Variants in NRDE2 observed in about 807,000 individuals in gnomAD.
The protein encoded by NRDE2 is NRDE-2, necessary for RNA interference, domain containing.
NRDE2 carries 76 observed loss-of-function variants against 124.2 expected under a neutral mutation model. The observed-to-expected ratio is 0.61, with a 90% CI of 0.51 to 0.74. The LOEUF is 0.74. Among genes scored for constraint, NRDE2 ranks in the 30% least tolerant of loss-of-function variants. The pLI is 0.00. For synonymous variants in NRDE2, 489 were observed against 528.1 expected (o/e 0.93, Z 1.01); for missense variants, 1,314 against 1,417.3 (o/e 0.93, Z 1.17).
chr14:90,303,953 C>T lies in NRDE2; in HGVS notation c.987G>A (p.Met329Ile), dbSNP rs745306047. The change falls in exon 5 of 14, where the codon ATG becomes ATA. Residue 329 changes from methionine (M) to isoleucine (I), a missense_variant. Met to Ile is a conservative substitution (Grantham distance 10, BLOSUM62 1). Transcript: ENST00000354366. ...RENPRDTQLW[M>I]AFVAFQDEVM... ...CACATACCTGAAAAGCAACAAATGCCATCCACAGCTGCGTATCCCGAGGAT... is the reference window on the plus strand; with the variant it reads ...CACATACCTGAAAAGCAACAAATGCTATCCACAGCTGCGTATCCCGAGGAT... 6.2e-7 allele frequency: 1 copy of T among 1,607,228 alleles called. No homozygotes were observed. The highest frequency in any genetic ancestry group is 2.2e-5 in the East Asian group (1 of 44,748).
chr14:90,320,257 G>T lies in NRDE2; in HGVS notation c.65-2144C>A, dbSNP rs375748873. On this transcript the variant is annotated intron_variant, in intron 1 of 13. Coordinates refer to ENST00000354366, the MANE Select transcript of NRDE2 (RefSeq NM_017970.4). ...AATTGACTCGTAGTTCCACATAGCT[G>T]GGGAGGCCTCAGGAAACTTACAATC... 3.3e-5 allele frequency among the ~76,000 whole-genome samples: 5 copies of T among 152,320 alleles called. No homozygotes were observed. The East Asian group carries it at 7.7e-4, about 23-fold the overall frequency.
chr14:90,283,469 C>A (rs1892010487), intron 12 of NRDE2, among the ~76,000 whole-genome samples: 1 of 152,110 alleles, frequency 6.6e-6, no homozygotes, highest in African/African-American at 2.4e-5. Flanking sequence ...TGGGTGGAAT[C>A]TTTATGCTGG....
intron 12 of NRDE2, among the ~76,000 whole-genome samples, chr14:90,284,031 C>A (rs1244781138): frequency 6.6e-6 from 1 of 152,044 alleles, no homozygotes; most frequent in Non-Finnish European, 1.5e-5. Context: ...ATTTTTGATG[C>A]CAACTTCTGC....
At chr14:90,284,427 C>G (rs970177800) in intron 12 of NRDE2, among the ~76,000 whole-genome samples, 5 of 151,146 alleles carry the variant, frequency 3.3e-5, no homozygotes, top group Non-Finnish European at 7.4e-5. Context: ...CAGCTCACTG[C>G]AAACTCCGCC....
At position 90,276,573 on chromosome 14, in the gene NRDE2, A is replaced by C. The variant is rs142080288; in HGVS notation, c.*1763T>G. 1.2e-4 allele frequency: 19 copies of C among 152,102 alleles called. 1 individual carries two copies. Among genetic ancestry groups the C allele is most frequent in the African/African-American group, 3.6e-4 (15 of 41,498 alleles). The allele number at this position is 152,102 out of a possible 1,614,324, so 9.4% of individuals were successfully genotyped here. A position where few individuals can be genotyped will look rare whatever the true frequency, so the allele number is the denominator to read the frequency against. ...TGCTCTTGACATCTTGTTTTCTGTA[A>C]AATGCCCTCAAGGAATCTTTGATTT... On this transcript the variant is annotated 3_prime_UTR_variant, in exon 14 of 14. Transcript: ENST00000354366.
intron 7 of NRDE2, among the ~76,000 whole-genome samples, chr14:90,300,820 A>C (rs1456788239): frequency 2.7e-4 from 1 of 3,720 alleles, no homozygotes; most frequent in Non-Finnish European, 4.7e-4. Context: ...TTCCCTGACT[A>C]GGGGAGCCAA....
rs1199355543 is a variant in NRDE2 at position 90,304,039 on chromosome 14, C to T, written c.901G>A (p.Asp301Asn). The T allele has an allele frequency of 6.2e-7, 1 of 1,613,988 alleles. No homozygotes were observed. Among genetic ancestry groups the T allele is most frequent in the Non-Finnish European group, 8.5e-7 (1 of 1,179,966 alleles). The change falls in exon 5 of 14, where the codon GAC (aspartate) becomes AAC (asparagine). Residue 301 changes from aspartate (D) to asparagine (N), a missense_variant. Transcript: ENST00000354366. ...QESKQPDAQP[D>N]SESAALKAKV... ...GCCTTGAGAGCCGCACTCTCGCTGT[C>T]TGGCTGTGCGTCTGGCTGCTTTGAT...
At chr14:90,284,164 C>T (rs372662867) in intron 12 of NRDE2, among the ~76,000 whole-genome samples, 1 of 152,020 alleles carries the variant, frequency 6.6e-6, no homozygotes, top group Admixed American at 6.6e-5. Flanking sequence ...GAGACACACC[C>T]GATGAATTCT....
Position 90,312,411 on chromosome 14 carries a change from G to C in NRDE2, c.540C>G (p.Tyr180Ter). The C allele has an allele frequency of 6.2e-7, 1 of 1,613,902 alleles. No individual in the cohort carries two copies. The highest frequency in any genetic ancestry group is 1.1e-5 in the South Asian group (1 of 91,074). Residue 180 changes from tyrosine (Y) to a stop codon, truncating the protein, a stop_gained, in exon 4 of 14, where the codon TAC becomes TAG. Coordinates refer to ENST00000354366, the MANE Select transcript of NRDE2 (RefSeq NM_017970.4). LOFTEE classifies it high-confidence loss of function. The part of the protein sequence containing the change: ...DPANWEYKSL[Y>*]RGDIARYKRK... ...GTGACTACCTTGCTATATCCCCTCG[G>C]TAGAGAGACTTGTACTCCCAGTTCG...
rs1159072196 is a variant in NRDE2, at chr14:90,275,561, T to TAGAGTGTCAG, written c.*2774_*2775insCTGACACTCT. On this transcript the variant is annotated 3_prime_UTR_variant, in exon 14 of 14. Transcript: ENST00000354366. ...GGCCTAGAGTGTCAGGGTAGCGGGC[T>TAGAGTGTCAG]GAACTGCGCCCCACCCCAGCTGCTT... 15 of 152,230 alleles carry TAGAGTGTCAG rather than the reference T, an allele frequency of 9.9e-5. No homozygotes were observed. The highest frequency in any genetic ancestry group is 3.6e-4 in the African/African-American group (15 of 41,464). The allele number at this position is 152,230 out of a possible 1,614,324, so 9.4% of individuals were successfully genotyped here.
In NRDE2 at chr14:90,278,446, C is replaced by T. The variant is rs776488985; in HGVS notation, c.3385G>A (p.Ala1129Thr). The change falls in exon 14 of 14, where the codon GCC becomes ACC. Residue 1129 changes from alanine (A) to threonine (T), a missense_variant. Coordinates refer to ENST00000354366, the MANE Select transcript of NRDE2 (RefSeq NM_017970.4). ...CPWAKVLYLD[A>T]VEYFPDEMQE... The stretch of plus-strand genomic sequence containing the variant: ...ATCTCATCGGGGAAATACTCCACGG[C>T]GTCCAGGTACAACACCTAGGGGGCA... 34 of 1,613,976 alleles carry T rather than the reference C, an allele frequency of 2.1e-5. No homozygotes were observed. The highest frequency in any genetic ancestry group is 1.6e-4 in the East Asian group (7 of 44,882).
At chr14:90,330,190 G>A (rs2139723281) in intron 1 of NRDE2, among the ~76,000 whole-genome samples, 1 of 58,608 alleles carries the variant, frequency 1.7e-5, no homozygotes, top group South Asian at 5.1e-4. Flanking sequence ...TTGGGCGACA[G>A]AGCAAGACTT....
At chr14:90,279,021 GT>G (rs1241851079) in intron 13 of NRDE2, 40 bp downstream of exon 13, 5 of 1,482,480 alleles carry the variant, frequency 3.4e-6, no homozygotes, top group Admixed American at 1.7e-5. Flanking sequence ...CTGGCGGGAA[GT>G]TTTCGGGAAG....
chr14:90,311,210 A>G (rs1884824275), intron 4 of NRDE2, among the ~76,000 whole-genome samples: 1 of 152,222 alleles, frequency 6.6e-6, no homozygotes, highest in Non-Finnish European at 1.5e-5. Flanking sequence ...ATGATTCTCT[A>G]TCTTCAATTC....
intron 7 of NRDE2, among the ~76,000 whole-genome samples, chr14:90,299,335 A>C (rs1884301847): frequency 6.6e-6 from 1 of 151,854 alleles, no homozygotes; most frequent in African/African-American, 2.4e-5. Flanking sequence ...AGCCTAAACC[A>C]CCGCGCCCAG....
rs1891813705 is a variant in NRDE2, at chr14:90,276,743, C to T, written c.*1593G>A. On this transcript the variant is annotated 3_prime_UTR_variant, in exon 14 of 14. Coordinates refer to ENST00000354366, the MANE Select transcript of NRDE2 (RefSeq NM_017970.4). ...GTTGCCACTGGGGTTTGGAGGGAAC[C>T]AGCTGATCAGAGGCCACGCCCTTCT... 1.3e-5 allele frequency: 2 copies of T among 152,194 alleles called. No individual in the cohort carries two copies. Among genetic ancestry groups the T allele is most frequent in the South Asian group, 2.1e-4 (1 of 4,826 alleles). 9.4% of individuals were successfully genotyped at this position (152,194 alleles called of 1,614,324 possible).
chr14:90,289,275 A>G, intron 10 of NRDE2, 130 bp from the exon 11 acceptor site: 1 of 712,904 alleles, frequency 1.4e-6, no homozygotes, highest in Non-Finnish European at 2.4e-6. Context: ...TCTGGTAAAC[A>G]CTGAGGCTCT....
In NRDE2 at chr14:90,312,531, A is replaced by G. The variant is rs754105089; in HGVS notation, c.420T>C (p.Asn140=). 1 of 1,614,142 alleles carries G rather than the reference A, an allele frequency of 6.2e-7. No individual in the cohort carries two copies. Among genetic ancestry groups the G allele is most frequent in the South Asian group, 1.1e-5 (1 of 91,086 alleles). The stretch of plus-strand genomic sequence containing the variant: ...AGCGATGTCCAGTATCAGCTGCAGC[A>G]TTATTTCCTTGACTGTGGGACAAAG... ...KESEEPNQGN[N]AAADTGHRFV... is the part of the protein sequence containing the mutation. The change falls in exon 4 of 14, where the codon AAT becomes AAC. Residue 140 remains asparagine, a synonymous_variant. Transcript: ENST00000354366.
At chr14:90,321,954 C>A (rs942316608) in intron 1 of NRDE2, among the ~76,000 whole-genome samples, 1 of 152,132 alleles carries the variant, frequency 6.6e-6, no homozygotes, top group African/African-American at 2.4e-5. Context: ...AGAGCACAGC[C>A]TGGACACCAC....
Sources: gnomAD v4.1 joint callset for allele counts (sites outside exome capture counted in the v4.1 genomes callset) on GRCh38, gnomAD v4.1.1 for gene constraint, MANE v1.5 for transcripts, NCBI Gene and HGNC (gene_info 2026-07-23, HGNC 2026-07-21) for gene names.